LRRC1: variants seen among roughly 807,000 people sequenced by gnomAD.
LRRC1 encodes leucine rich repeat containing 1.
In LRRC1, 28 loss-of-function variants were observed where a neutral mutation model predicts 69.9. The observed-to-expected ratio is 0.40, with a 90% CI of 0.30 to 0.55. LRRC1 has a LOEUF of 0.55. Ranked by LOEUF, LRRC1 falls within the 20% of genes least tolerant of loss-of-function variation. The pLI is 0.47. For missense variants in LRRC1, 498 were observed against 609.0 expected (o/e 0.82, Z 1.92); for synonymous variants, 236 against 240.2 (o/e 0.98, Z 0.16).
intron 1 of LRRC1, among the ~76,000 whole-genome samples, chr6:53,813,536 G>GTT (rs373976626): frequency 0.45 from 54,288 of 121,136 alleles, 13,313 homozygotes; most frequent in East Asian, 0.67. Flanking sequence ...TGGCTCAGTG[G>GTT]TTTTTTTTTT....
chr6:53,846,147 C>G (rs1227817748), intron 2 of LRRC1, among the ~76,000 whole-genome samples: 1 of 152,138 alleles, frequency 6.6e-6, no homozygotes, highest in African/African-American at 2.4e-5. Flanking sequence ...TTTTTACAGC[C>G]TCACTTTCTG....
At chr6:53,844,798 C>G (rs1378658054) in intron 2 of LRRC1, among the ~76,000 whole-genome samples, 1 of 152,178 alleles carries the variant, frequency 6.6e-6, no homozygotes, top group African/African-American at 2.4e-5. Flanking sequence ...ATTCCCTTCC[C>G]TTCTTGACAG....
intron 2 of LRRC1, among the ~76,000 whole-genome samples, chr6:53,866,413 GTGT>G (rs1365967037): frequency 6.6e-6 from 1 of 152,160 alleles, no homozygotes; most frequent in African/African-American, 2.4e-5. Flanking sequence ...TAGTCAGTAC[GTGT>G]TGTTGAATGC....
chr6:53,878,122 C>T (rs918592036), intron 2 of LRRC1, among the ~76,000 whole-genome samples: 2 of 152,110 alleles, frequency 1.3e-5, no homozygotes, highest in African/African-American at 4.8e-5. Flanking sequence ...TAATAACCAT[C>T]AGGTCTCGTG....
intron 4 of LRRC1, among the ~76,000 whole-genome samples, chr6:53,887,945 G>A (rs1273748576): frequency 6.6e-6 from 1 of 152,128 alleles, no homozygotes; most frequent in South Asian, 2.1e-4. Context: ...TTGATATTTA[G>A]ATATGCCCTT....
chr6:53,884,109 A>G (rs1767390919), intron 4 of LRRC1: 1 of 664,344 alleles, frequency 1.5e-6, no homozygotes, highest in African/African-American at 1.8e-5. Context: ...AATACACTCT[A>G]GGTGTATGGT....
At chr6:53,860,631 T>G (rs1766466806) in intron 2 of LRRC1, among the ~76,000 whole-genome samples, 1 of 152,200 alleles carries the variant, frequency 6.6e-6, no homozygotes. Context: ...GCAGTTAAAT[T>G]AGATCCAAAC....
Position 53,914,928 on chromosome 6 carries a change from T to C in LRRC1, c.1106+959T>C, listed in dbSNP as rs181038029. Among the ~76,000 whole-genome samples, 15 of 152,338 alleles carry C rather than the reference T, an allele frequency of 9.8e-5. 2 individuals are homozygous for C. The East Asian group carries it at 2.9e-3, about 29-fold the overall frequency. On this transcript the variant is annotated intron_variant, in intron 11 of 13. Transcript: ENST00000370888. ...AGATATTCTTCTGATTTATGTGTCATTGTGTCACTTGTCCCATCAGAGTGC... is the reference window on the plus strand; with the variant it reads ...AGATATTCTTCTGATTTATGTGTCACTGTGTCACTTGTCCCATCAGAGTGC...
At chr6:53,825,441 G>C (rs1468825432) in intron 1 of LRRC1, among the ~76,000 whole-genome samples, 3 of 152,194 alleles carry the variant, frequency 2.0e-5, no homozygotes, top group African/African-American at 7.2e-5. Context: ...CCTCCCTCTC[G>C]TGTTATACTG....
intron 2 of LRRC1, among the ~76,000 whole-genome samples, chr6:53,878,258 T>C (rs1380865583): frequency 6.6e-6 from 1 of 152,204 alleles, no homozygotes; most frequent in Non-Finnish European, 1.5e-5. Context: ...AACCAAATCA[T>C]ATGAGCAGTT....
rs146013124 is a variant in LRRC1 at position 53,817,370 on chromosome 6, TTAATA to T, written c.159+21960_159+21964del. ...GGGTACAAAGTGATGTTATGATTTT[TTAATA>T]TAATGTGAAATGATTAAATCAAGCT... On this transcript the variant is annotated intron_variant, in intron 1 of 13. Transcript: ENST00000370888. Among the ~76,000 whole-genome samples the T allele has an allele frequency of 8.0e-3, 1,222 of 152,310 alleles. 10 individuals carry two copies. Among genetic ancestry groups the T allele is most frequent in the African/African-American group, 0.027 (1,113 of 41,550 alleles).
At chr6:53,921,381 C>G (rs1036995535) in intron 13 of LRRC1, among the ~76,000 whole-genome samples, 1 of 152,036 alleles carries the variant, frequency 6.6e-6, no homozygotes, top group African/African-American at 2.4e-5. Context: ...TTTAATTGTT[C>G]CCAGTGAATG....
intron 11 of LRRC1, 186 bp from the exon 12 acceptor site, chr6:53,919,312 G>A: frequency 3.3e-6 from 1 of 305,732 alleles, no homozygotes; most frequent in Non-Finnish European, 5.7e-6. Context: ...GGAAGCACAG[G>A]AACCTACTGA....
In LRRC1 at chr6:53,924,059, T is replaced by C. The variant is rs1768814421; in HGVS notation, c.*1266T>C. 6.6e-6 allele frequency: 1 copy of C among 152,670 alleles called. No homozygotes were observed. The highest frequency in any genetic ancestry group is 1.5e-5 in the Non-Finnish European group (1 of 68,032). 9.5% of individuals were successfully genotyped at this position (152,670 alleles called of 1,614,324 possible). A position where few individuals can be genotyped will look rare whatever the true frequency, so the allele number is the denominator to read the frequency against. On this transcript the variant is annotated 3_prime_UTR_variant, in exon 14 of 14. Coordinates refer to ENST00000370888, the MANE Select transcript of LRRC1 (RefSeq NM_018214.5). ...GAAATGAAAAGTGCCAGTCACTGTG[T>C]GGTGTCTAGGAAAATCATATATATT... is the stretch of plus-strand genomic sequence containing the variant.
At chr6:53,913,999 G>A (rs745698868) in intron 11 of LRRC1, 30 bp downstream of exon 11, 21 of 1,504,686 alleles carry the variant, frequency 1.4e-5, no homozygotes, top group Non-Finnish European at 1.8e-5. Context: ...CTTTGCTTGA[G>A]GGAAACAAAT....
intron 1 of LRRC1, among the ~76,000 whole-genome samples, chr6:53,817,216 CTG>C (rs371861446): frequency 6.0e-4 from 91 of 152,298 alleles, no homozygotes; most frequent in Middle Eastern, 3.4e-3. Context: ...CCATCTGGCA[CTG>C]TGCATATCTG....
At chr6:53,912,607 A>G (rs1197368667) in intron 10 of LRRC1, among the ~76,000 whole-genome samples, 1 of 152,190 alleles carries the variant, frequency 6.6e-6, no homozygotes, top group Non-Finnish European at 1.5e-5. Context: ...GTGGTTCAAT[A>G]CATTATTTTG....
At chr6:53,900,968 C>T (rs996583624) in intron 8 of LRRC1, among the ~76,000 whole-genome samples, 3 of 152,152 alleles carry the variant, frequency 2.0e-5, no homozygotes, top group African/African-American at 7.2e-5. Context: ...CCACTCCCTC[C>T]GTGGTATGTG....
rs9463998 is a variant in LRRC1, at chr6:53,912,882, A to G, written c.991-972A>G. Among the ~76,000 whole-genome samples, 764 of 150,080 alleles carry G rather than the reference A, an allele frequency of 5.1e-3. 11 individuals carry two copies. The highest frequency in any genetic ancestry group is 0.045 in the East Asian group (211 of 4,734). Reference sequence around the variant, plus strand: ...GTTCCTTCATGAGCCTTTTCTAGCAATTGCCCTTAGTCAGGAGAGTGAGTA... The same window carrying G: ...GTTCCTTCATGAGCCTTTTCTAGCAGTTGCCCTTAGTCAGGAGAGTGAGTA... On this transcript the variant is annotated intron_variant, in intron 10 of 13. Coordinates refer to ENST00000370888, the MANE Select transcript of LRRC1 (RefSeq NM_018214.5).
Sources: gnomAD v4.1 joint callset for allele counts (sites outside exome capture counted in the v4.1 genomes callset) on GRCh38, gnomAD v4.1.1 for gene constraint, MANE v1.5 for transcripts, NCBI Gene and HGNC (gene_info 2026-07-23, HGNC 2026-07-21) for gene names.